Variants in MAP3K13 observed in about 807,000 individuals in gnomAD.
The protein encoded by MAP3K13 is leucine zipper-bearing kinase.
Under a neutral mutation model 104.0 loss-of-function variants are expected in MAP3K13, and 52 were observed. The observed-to-expected ratio is 0.50, with a 90% CI of 0.40 to 0.63. The LOEUF (loss-of-function observed/expected upper bound fraction) is 0.63. Among genes scored for constraint, MAP3K13 ranks in the 20% least tolerant of loss-of-function variants. The pLI, the probability that MAP3K13 is intolerant of heterozygous loss-of-function variation, is 0.00. For missense variants in MAP3K13, 914 were observed against 1,218.5 expected (o/e 0.75, Z 3.72); for synonymous variants, 394 against 442.2 (o/e 0.89, Z 1.37).
upstream of MAP3K13, chr3:185,363,104 C>T: frequency 1.0e-6 from 1 of 984,968 alleles, no homozygotes; most frequent in African/African-American, 1.8e-5. Flanking sequence ...ATTGGCTGGG[C>T]CTACTCTGGA....
intron 7 of MAP3K13, among the ~76,000 whole-genome samples, chr3:185,460,869 G>A (rs1264659796): frequency 1.3e-5 from 2 of 152,080 alleles, no homozygotes; most frequent in African/African-American, 4.8e-5. Context: ...ATTTCCTCTA[G>A]AATTAAAACA....
chr3:185,472,359 T>C (rs927882610), intron 10 of MAP3K13, among the ~76,000 whole-genome samples: 3 of 151,840 alleles, frequency 2.0e-5, no homozygotes, highest in African/African-American at 4.8e-5. Flanking sequence ...ACTACAGGCA[T>C]GCACCACCAC....
intron 2 of MAP3K13, among the ~76,000 whole-genome samples, chr3:185,313,848 C>T (rs748234514): frequency 1.3e-5 from 2 of 152,176 alleles, no homozygotes; most frequent in Middle Eastern, 3.2e-3. Flanking sequence ...TTGTCTCTCA[C>T]GGCCTCTGCA....
rs190838068 is a variant in MAP3K13 at position 185,413,693 on chromosome 3, G to A, written c.-85-14804G>A. 2.1e-3 allele frequency among the ~76,000 whole-genome samples: 324 copies of A among 152,178 alleles called. 1 individual carries two copies. The highest frequency in any genetic ancestry group is 7.0e-3 in the African/African-American group (289 of 41,520). Reference sequence around the variant, plus strand: ...AAAAATTAGCTGGGTGTGGCAGCACGCACCTGTAGTCCCAGCTACTCGGGA... The same window carrying A: ...AAAAATTAGCTGGGTGTGGCAGCACACACCTGTAGTCCCAGCTACTCGGGA... On this transcript the variant is annotated intron_variant, in intron 1 of 13. Transcript: ENST00000265026.
chr3:185,284,156 G>A (rs2108664560), intron 1 of MAP3K13, among the ~76,000 whole-genome samples: 1 of 151,576 alleles, frequency 6.6e-6, no homozygotes, highest in African/African-American at 2.4e-5. Context: ...TTTTCTTAAT[G>A]TTTTCTTCCT....
chr3:185,356,817 G>C (rs891190395), intron 2 of MAP3K13, among the ~76,000 whole-genome samples: 1 of 152,130 alleles, frequency 6.6e-6, no homozygotes, highest in African/African-American at 2.4e-5. Flanking sequence ...ACTAAAAGTG[G>C]GGGAGAGATA....
chr3:185,331,992 T>TAA (rs1722302084), intron 2 of MAP3K13, among the ~76,000 whole-genome samples: 1 of 152,216 alleles, frequency 6.6e-6, no homozygotes, highest in Admixed American at 6.5e-5. Flanking sequence ...TACTAATCCA[T>TAA]TGTACGGATG....
rs1185288047 is a variant in MAP3K13, at chr3:185,473,665, A to G, written c.2334A>G (p.Glu778=). The change falls in exon 11 of 14, where the codon GAA becomes GAG. Residue 778 remains glutamate (E), a synonymous_variant. Coordinates refer to ENST00000265026, the MANE Select transcript of MAP3K13 (RefSeq NM_004721.5). This position sits in a 1 kb window ranked among gnomAD's most constrained non-coding sequence, Gnocchi z 4.9. ...CCCAGAGTTCTGAGAAAACGGAAGA[A>G]AATGAATTCAGCGGCTGTAGGTCTG... ...ENAQSSEKTE[E]NEFSGCRSES... 2 of 1,614,194 alleles carry G rather than the reference A, an allele frequency of 1.2e-6. No individual in the cohort carries two copies. Among genetic ancestry groups the G allele is most frequent in the Admixed American group, 3.3e-5 (2 of 60,022 alleles).
At chr3:185,356,550 G>A (rs1334994860) in intron 2 of MAP3K13, among the ~76,000 whole-genome samples, 2 of 152,162 alleles carry the variant, frequency 1.3e-5, no homozygotes, top group Non-Finnish European at 2.9e-5. Flanking sequence ...CCCGATATAT[G>A]GATGGAGACG....
chr3:185,394,535 G>A (rs1226668606), intron 1 of MAP3K13, among the ~76,000 whole-genome samples: 2 of 152,160 alleles, frequency 1.3e-5, no homozygotes. Context: ...ATGGCCTAAA[G>A]AGTTCAAGGG....
chr3:185,299,498 C>T (rs771789338), intron 2 of MAP3K13, among the ~76,000 whole-genome samples: 3 of 152,136 alleles, frequency 2.0e-5, no homozygotes, highest in Non-Finnish European at 4.4e-5. Flanking sequence ...AGTCGATGAC[C>T]CCATCTTCAT....
At chr3:185,317,469 T>A (rs191900559) in intron 2 of MAP3K13, among the ~76,000 whole-genome samples, 1 of 152,322 alleles carries the variant, frequency 6.6e-6, no homozygotes, top group East Asian at 1.9e-4. Flanking sequence ...AAAATAGGTA[T>A]CTTAGAAATT....
chr3:185,308,406 C>T (rs1041046964), intron 2 of MAP3K13, among the ~76,000 whole-genome samples: 1 of 152,208 alleles, frequency 6.6e-6, no homozygotes, highest in Non-Finnish European at 1.5e-5. Context: ...GTTGCCAGTT[C>T]TGTCAGCATT....
Position 185,463,532 on chromosome 3 carries a change from TA to T in MAP3K13, c.1279-16del. ...GAAACTCCTGGAATTTATCAAAATCTAATTTGTCCTTACCCAGGCTGAATGG... is the reference window on the plus strand; with the variant it reads ...GAAACTCCTGGAATTTATCAAAATCTATTTGTCCTTACCCAGGCTGAATGG... On this transcript the variant is annotated splice_polypyrimidine_tract_variant and intron_variant, in intron 7 of 13. Transcript: ENST00000265026. 1.4e-6 allele frequency: 2 copies of T among 1,431,348 alleles called. No individual in the cohort carries two copies. Among genetic ancestry groups the T allele is most frequent in the Non-Finnish European group, 2.0e-6 (2 of 1,017,832 alleles). 88.7% of individuals were successfully genotyped at this position (1,431,348 alleles called of 1,614,324 possible).
chr3:185,418,355 G>A lies in MAP3K13; in HGVS notation c.-85-10142G>A. ...AGTTCAGGAACTTCCTCAATACGAT[G>A]ACCTTTAGACATGACCAGTGCTGGT... On this transcript the variant is annotated intron_variant, in intron 1 of 13. Transcript: ENST00000265026. The surrounding 1 kb of genome is among the most constrained non-coding windows in gnomAD (Gnocchi z 4.5). 1 of 1,595,128 alleles carries A rather than the reference G, an allele frequency of 6.3e-7. No homozygotes were observed. Among genetic ancestry groups the A allele is most frequent in the Non-Finnish European group, 8.6e-7 (1 of 1,164,572 alleles).
chr3:185,287,511 G>A (rs1287586282), intron 2 of MAP3K13, among the ~76,000 whole-genome samples: 2 of 152,082 alleles, frequency 1.3e-5, no homozygotes, highest in Non-Finnish European at 2.9e-5. Context: ...CTTTTACTTC[G>A]ATAATCATTT....
In MAP3K13 at chr3:185,443,869, A is replaced by C. The variant is rs569629531; in HGVS notation, c.851+233A>C. Among the ~76,000 whole-genome samples the C allele has an allele frequency of 2.0e-5, 3 of 152,332 alleles. No homozygotes were observed. The South Asian group carries it at 6.2e-4, about 32-fold the overall frequency. ...TTTTCCTTTTTGGTGCTTTTAAATC[A>C]TACAACTGTGAAACAAAATTCATTA... On this transcript the variant is annotated intron_variant, in intron 4 of 13. Coordinates refer to ENST00000265026, the MANE Select transcript of MAP3K13 (RefSeq NM_004721.5).
intron 4 of MAP3K13, among the ~76,000 whole-genome samples, chr3:185,445,171 T>C (rs1406634780): frequency 6.6e-6 from 1 of 152,174 alleles, no homozygotes; most frequent in African/African-American, 2.4e-5. Flanking sequence ...AACTAGAGAT[T>C]AGCCCAAAGT....
chr3:185,455,878 G>GATATATATCATATATATGAGAT (rs113021580), intron 7 of MAP3K13, among the ~76,000 whole-genome samples: 25 of 123,404 alleles, frequency 2.0e-4, no homozygotes, highest in African/African-American at 7.1e-4. Flanking sequence ...ATATAGATGA[G>GATATATATCATATATATGAGAT]ATATATGATA....
Sources: allele counts gnomAD v4.1 joint callset (sites outside exome capture counted in the v4.1 genomes callset), GRCh38; gene constraint gnomAD v4.1.1; non-coding constraint Gnocchi (gnomAD v3.1); transcripts MANE v1.5; gene names NCBI Gene and HGNC (gene_info 2026-07-23, HGNC 2026-07-21).